MTMR7: variants seen among roughly 807,000 people sequenced by gnomAD.
MTMR7 encodes myotubularin related protein 7.
Under a neutral mutation model 81.2 loss-of-function variants are expected in MTMR7, and 76 were observed. That is an observed-to-expected ratio of 0.94 (90% CI 0.78 to 1.13). MTMR7 has a LOEUF of 1.13. Ranked by LOEUF, MTMR7 falls within the 50% of genes most tolerant of loss-of-function variation. MTMR7 has a pLI of 0.00. For synonymous variants in MTMR7, 372 were observed against 289.8 expected (o/e 1.28, Z -2.88); for missense variants, 1,044 against 820.0 (o/e 1.27, Z -3.34).
At chr8:17,407,252 C>CTTG (rs1478080520) in intron 1 of MTMR7, among the ~76,000 whole-genome samples, 1 of 151,372 alleles carries the variant, frequency 6.6e-6, no homozygotes, top group Non-Finnish European at 1.5e-5. Flanking sequence ...TTTGGAAAAA[C>CTTG]TTCAACCTCG....
intron 1 of MTMR7, among the ~76,000 whole-genome samples, chr8:17,401,720 A>G (rs1821434373): frequency 6.6e-6 from 1 of 152,176 alleles, no homozygotes; most frequent in Admixed American, 6.5e-5. Context: ...AGTGAAGGGT[A>G]ACTCCAAAGT....
At chr8:17,409,408 G>T (rs537318892) in intron 1 of MTMR7, among the ~76,000 whole-genome samples, 5 of 138,598 alleles carry the variant, frequency 3.6e-5, no homozygotes, top group African/African-American at 1.2e-4. Flanking sequence ...AAGTTTCAGT[G>T]AGCCAAGATC....
intron 7 of MTMR7, among the ~76,000 whole-genome samples, chr8:17,317,723 T>G (rs1818166588): frequency 6.6e-6 from 1 of 152,208 alleles, no homozygotes; most frequent in Non-Finnish European, 1.5e-5. Flanking sequence ...TGGCTCGAAT[T>G]CCAGAGATTG....
chr8:17,358,069 T>C (rs574136619), intron 4 of MTMR7, among the ~76,000 whole-genome samples: 97 of 151,920 alleles, frequency 6.4e-4, no homozygotes, highest in Non-Finnish European at 1.1e-3. Context: ...AAAAGCATAA[T>C]TGACAAAACA....
At position 17,300,023 on chromosome 8, in the gene MTMR7, C is replaced by A. The variant is rs1407997329; in HGVS notation, c.1822G>T (p.Asp608Tyr). 2.5e-6 allele frequency: 4 copies of A among 1,614,016 alleles called. No homozygotes were observed. The African/African-American group carries it at 5.3e-5, about 22-fold the overall frequency. Residue 608 changes from aspartate to tyrosine, a missense_variant, in exon 14 of 14, where the codon GAC (aspartate) becomes TAC (tyrosine). Coordinates refer to ENST00000180173, the MANE Select transcript of MTMR7 (RefSeq NM_004686.5). ...DEDSALILTQ[D>Y]NLKSSDPDLS... ...TCTGGATCTGAACTTTTCAGATTGT[C>A]TTGGGTTAGAATCAGAGCAGAATCT...
intron 7 of MTMR7, among the ~76,000 whole-genome samples, chr8:17,316,781 A>G (rs1346363223): frequency 2.0e-5 from 3 of 152,172 alleles, no homozygotes; most frequent in Admixed American, 1.3e-4. Context: ...AATATATGGG[A>G]GGATGTGCAT....
chr8:17,382,426 T>G (rs1483150399), intron 1 of MTMR7, among the ~76,000 whole-genome samples: 1 of 152,232 alleles, frequency 6.6e-6, no homozygotes, highest in East Asian at 1.9e-4. Context: ...CTAGAGCACT[T>G]GGTAACATTT....
At chr8:17,355,287 G>A (rs535872899) in intron 4 of MTMR7, among the ~76,000 whole-genome samples, 2 of 152,244 alleles carry the variant, frequency 1.3e-5, no homozygotes, top group East Asian at 1.9e-4. Flanking sequence ...GCTTTAGTAT[G>A]AGAACAAATT....
At chr8:17,300,983 AT>A (rs1380533884) in intron 13 of MTMR7, among the ~76,000 whole-genome samples, 1 of 152,180 alleles carries the variant, frequency 6.6e-6, no homozygotes, top group African/African-American at 2.4e-5. Context: ...ACAGTATTCC[AT>A]TACATGGATA....
chr8:17,339,197 G>A (rs1819337454), intron 6 of MTMR7, among the ~76,000 whole-genome samples: 4 of 152,062 alleles, frequency 2.6e-5, no homozygotes, highest in African/African-American at 7.2e-5. Flanking sequence ...AATGACTTGA[G>A]CTGCTGGTTC....
chr8:17,381,782 G>A (rs1174597161), intron 1 of MTMR7, among the ~76,000 whole-genome samples: 1 of 152,184 alleles, frequency 6.6e-6, no homozygotes, highest in East Asian at 1.9e-4. Context: ...TCTAAGAAAA[G>A]CAGCTAGATA....
chr8:17,359,011 G>C (rs1237260619), intron 4 of MTMR7, among the ~76,000 whole-genome samples: 1 of 151,910 alleles, frequency 6.6e-6, no homozygotes, highest in Non-Finnish European at 1.5e-5. Context: ...CTCCAGCCTC[G>C]ACCTCCCAAG....
chr8:17,396,593 C>G (rs1317402633), intron 1 of MTMR7, among the ~76,000 whole-genome samples: 3 of 152,130 alleles, frequency 2.0e-5, no homozygotes, highest in African/African-American at 4.8e-5. Flanking sequence ...TCTGGCAAGC[C>G]TCACTACTGC....
intron 1 of MTMR7, among the ~76,000 whole-genome samples, chr8:17,389,756 G>A (rs1821047737): frequency 6.6e-6 from 1 of 151,960 alleles, no homozygotes; most frequent in Non-Finnish European, 1.5e-5. Context: ...AGCAGAGACG[G>A]GGAAAAAATA....
At chr8:17,318,967 G>A (rs999545932) in intron 7 of MTMR7, among the ~76,000 whole-genome samples, 15 of 152,316 alleles carry the variant, frequency 9.8e-5, no homozygotes, top group Middle Eastern at 3.4e-3. Context: ...TTCCCTGATC[G>A]AACTCACCGA....
intron 1 of MTMR7, among the ~76,000 whole-genome samples, chr8:17,403,941 A>G (rs1284437037): frequency 6.6e-6 from 1 of 152,222 alleles, no homozygotes; most frequent in Admixed American, 6.5e-5. Context: ...AACTTGACAG[A>G]ATTCTTTGTC....
intron 7 of MTMR7, among the ~76,000 whole-genome samples, chr8:17,323,049 G>A (rs983752384): frequency 1.3e-5 from 2 of 148,792 alleles, no homozygotes; most frequent in African/African-American, 5.0e-5. Context: ...CCGGATTCAA[G>A]CAATTCTCCT....
At chr8:17,355,413 C>A (rs1194132030) in intron 4 of MTMR7, among the ~76,000 whole-genome samples, 1 of 151,972 alleles carries the variant, frequency 6.6e-6, no homozygotes, top group African/African-American at 2.4e-5. Context: ...CCCAAATAAT[C>A]CATAAATTCA....
At chr8:17,366,927 G>A (rs1332075034) in intron 3 of MTMR7, among the ~76,000 whole-genome samples, 4 of 147,294 alleles carry the variant, frequency 2.7e-5, no homozygotes, top group Non-Finnish European at 5.9e-5. Flanking sequence ...TTAGAGTGGG[G>A]TGAGAAGATA....
Sources: gnomAD v4.1 joint callset for allele counts (sites outside exome capture counted in the v4.1 genomes callset) on GRCh38, gnomAD v4.1.1 for gene constraint, MANE v1.5 for transcripts, NCBI Gene and HGNC (gene_info 2026-07-23, HGNC 2026-07-21) for gene names.